REXO4: variants seen among roughly 807,000 people sequenced by gnomAD.
REXO4 encodes RNA exonuclease 4.
REXO4 carries 29 observed loss-of-function variants against 39.9 expected under a neutral mutation model. That is an observed-to-expected ratio of 0.73 (90% confidence interval 0.54 to 0.99). The LOEUF (loss-of-function observed/expected upper bound fraction) is 0.99. REXO4 is among the 50% of genes least tolerant of loss of function. REXO4 has a pLI of 0.00. For missense variants in REXO4, 524 were observed against 546.5 expected (o/e 0.96, Z 0.41); for synonymous variants, 184 against 206.2 (o/e 0.89, Z 0.92).
Position 133,412,464 on chromosome 9 carries a change from C to T in REXO4, c.745G>A (p.Glu249Lys), listed in dbSNP as rs199826687. Reference sequence around the variant, plus strand: ...CCCTTAGGGCCCACGCCCACCATCTCACAGTCCAAGGCTAAGGCTCTTGTC... The same window carrying T: ...CCCTTAGGGCCCACGCCCACCATCTTACAGTCCAAGGCTAAGGCTCTTGTC... ...GLTRALALDCEMVGVGPKGEE... is the reference protein window; with the variant it reads ...GLTRALALDCKMVGVGPKGEE... The change falls in exon 4 of 8, where the codon GAG (glutamate) becomes AAG (lysine). Residue 249 changes from glutamate (E) to lysine (K), a missense_variant. Coordinates refer to ENST00000371942, the MANE Select transcript of REXO4 (RefSeq NM_020385.4). The T allele has an allele frequency of 6.2e-6, 10 of 1,614,138 alleles. No homozygotes were observed. The East Asian group carries it at 2.2e-4, about 36-fold the overall frequency.
Position 133,407,864 on chromosome 9 carries a change from C to T in REXO4, c.1092G>A (p.Leu364=), listed in dbSNP as rs782123376. 1.9e-6 allele frequency: 3 copies of T among 1,613,846 alleles called. No individual in the cohort carries two copies. The highest frequency in any genetic ancestry group is 1.7e-5 in the Admixed American group (1 of 60,016). The stretch of plus-strand genomic sequence containing the variant: ...CAAGGATCTTCTCTGAAAGTAGTCT[C>T]AGAGACGGCCTTCCACTCTGCAAAG... The part of the protein sequence containing the change: ...KSQVKSGRPS[L]RLLSEKILGL... Residue 364 remains leucine, a synonymous_variant, in exon 7 of 8, where the codon CTG becomes CTA. Transcript: ENST00000371942.
intron 2 of REXO4, chr9:133,414,401 T>G: frequency 3.0e-6 from 2 of 663,520 alleles, no homozygotes; most frequent in Non-Finnish European, 5.5e-6. Flanking sequence ...TGGGTCTTTC[T>G]GGCTTCAGCA....
chr9:133,407,683 AG>A (rs1838976010), intron 7 of REXO4, 123 bp downstream of exon 7: 1 of 623,032 alleles, frequency 1.6e-6, no homozygotes, highest in Non-Finnish European at 2.7e-6. Flanking sequence ...TTTGACCAAT[AG>A]CCTCGTAGGA....
In REXO4 at chr9:133,406,313, C is replaced by T. The variant is rs113344491; in HGVS notation, c.*640G>A. The T allele has an allele frequency of 4.1e-3, 621 of 152,614 alleles. 3 individuals are homozygous for T. The highest frequency in any genetic ancestry group is 0.02 in the Admixed American group (307 of 15,348). 9.5% of individuals were successfully genotyped at this position (152,614 alleles called of 1,614,324 possible). ...ATGTCTGCCGACCTCCAGGAATAAC[C>T]GCAGTCACCGTGCCCAGGCAACACA... On this transcript the variant is annotated 3_prime_UTR_variant, in exon 8 of 8. Transcript: ENST00000371942.
chr9:133,408,966 G>A, intron 5 of REXO4, 124 bp from the exon 6 acceptor site: 2 of 528,714 alleles, frequency 3.8e-6, no homozygotes, highest in South Asian at 2.2e-5. Context: ...GTGTGTGTGT[G>A]TGTGTGTGTG....
At chr9:133,409,782 C>CT (rs1233769622) in intron 5 of REXO4, among the ~76,000 whole-genome samples, 4 of 152,182 alleles carry the variant, frequency 2.6e-5, no homozygotes, top group African/African-American at 4.8e-5. Context: ...AGGCTGGTCT[C>CT]TAACTCCCGG....
At chr9:133,412,977 G>A in intron 2 of REXO4, 56 bp from the exon 3 acceptor site, 4 of 1,572,948 alleles carry the variant, frequency 2.5e-6, no homozygotes, top group Non-Finnish European at 2.6e-6. Context: ...AACTGGTGGG[G>A]TGGGGCTGTG....
chr9:133,407,732 G>T, intron 7 of REXO4, 75 bp downstream of exon 7: 2 of 1,188,934 alleles, frequency 1.7e-6, no homozygotes, highest in Non-Finnish European at 2.5e-6. Flanking sequence ...CCATGTCTGT[G>T]TCAGGTGACT....
At chr9:133,411,654 C>T (rs1332602835) in intron 4 of REXO4, among the ~76,000 whole-genome samples, 1 of 152,110 alleles carries the variant, frequency 6.6e-6, no homozygotes, top group Non-Finnish European at 1.5e-5. Context: ...AGGCCAGGTG[C>T]AGTGGGTCAT....
Position 133,414,879 on chromosome 9 carries a change from G to C in REXO4, c.358C>G (p.Pro120Ala), listed in dbSNP as rs1564397718. 1 of 1,614,066 alleles carries C rather than the reference G, an allele frequency of 6.2e-7. No individual in the cohort carries two copies. Among genetic ancestry groups the C allele is most frequent in the Admixed American group, 1.7e-5 (1 of 60,006 alleles). The change falls in exon 2 of 8, where the codon CCG becomes GCG. Residue 120 changes from proline to alanine, a missense_variant. Transcript: ENST00000371942. Reference sequence around the variant, plus strand: ...CTGGCCTCCTGGTCTTTTCCTGCCGGCATCTCCTCTCCCTTCACTTGAGGC... The same window carrying C: ...CTGGCCTCCTGGTCTTTTCCTGCCGCCATCTCCTCTCCCTTCACTTGAGGC... The part of the protein sequence containing the change: ...TSPQVKGEEM[P>A]AGKDQEASRG...
At chr9:133,410,923 G>C in intron 5 of REXO4, 62 bp downstream of exon 5, 3 of 1,217,410 alleles carry the variant, frequency 2.5e-6, no homozygotes, top group Non-Finnish European at 3.7e-6. Context: ...AACACAGCAA[G>C]GGCGTGAGTG....
Position 133,411,164 on chromosome 9 carries a change from ACCTAAGACAAATGGTCAGG to A in REXO4, c.911-110_911-92del, listed in dbSNP as rs1236654758. On this transcript the variant is annotated intron_variant, in intron 4 of 7. Coordinates refer to ENST00000371942, the MANE Select transcript of REXO4 (RefSeq NM_020385.4). The stretch of plus-strand genomic sequence containing the variant: ...CAGCCCCGCTCCTACCCCTGGTCAG[ACCTAAGACAAATGGTCAGG>A]CCTGCAATGCCACTACGGAGGGTGA... 5 of 1,048,578 alleles carry A rather than the reference ACCTAAGACAAATGGTCAGG, an allele frequency of 4.8e-6. No individual in the cohort carries two copies. The African/African-American group carries it at 7.8e-5, about 16-fold the overall frequency. The allele number at this position is 1,048,578 out of a possible 1,614,324, so 65.0% of individuals were successfully genotyped here.
intron 6 of REXO4, 80 bp from the exon 7 acceptor site, chr9:133,407,961 G>A: frequency 8.7e-7 from 1 of 1,150,324 alleles, no homozygotes; most frequent in Non-Finnish European, 1.3e-6. Context: ...GGGAGCGGTT[G>A]GCTACTGAAC....
At chr9:133,411,457 C>T (rs1420467339) in intron 4 of REXO4, among the ~76,000 whole-genome samples, 1 of 152,174 alleles carries the variant, frequency 6.6e-6, no homozygotes, top group Non-Finnish European at 1.5e-5. Context: ...GAAATAAAAA[C>T]AAAACTGCCC....
At position 133,412,651 on chromosome 9, in the gene REXO4, T is replaced by C. The variant is rs1839283776; in HGVS notation, c.716+127A>G. 19 of 1,431,832 alleles carry C rather than the reference T, an allele frequency of 1.3e-5. No individual in the cohort carries two copies. The South Asian group carries it at 2.2e-4, about 17-fold the overall frequency. The allele number at this position is 1,431,832 out of a possible 1,614,324, so 88.7% of individuals were successfully genotyped here. On this transcript the variant is annotated intron_variant, in intron 3 of 7. Transcript: ENST00000371942. ...ACAAGCTCTGTGTGGTCCTGGTTCT[T>C]AGCAGGACCCTGGGAGGTGCTTGCC...
chr9:133,412,158 A>T, intron 4 of REXO4, 141 bp downstream of exon 4: 3 of 860,028 alleles, frequency 3.5e-6, no homozygotes, highest in Non-Finnish European at 5.5e-6. Context: ...TTTGTATTTT[A>T]AAACCCATCG....
rs1336986124 is a variant in REXO4, at chr9:133,415,067, G to C, written c.226-56C>G. On this transcript the variant is annotated intron_variant, in intron 1 of 7. Transcript: ENST00000371942. ...TTGAATTTGGAAATTACACACAGCA[G>C]ATTGAAAAAACTTACGTGTGTATGT... 6 of 1,474,360 alleles carry C rather than the reference G, an allele frequency of 4.1e-6. No homozygotes were observed. In the East Asian group the frequency reaches 9.0e-5, roughly 22 times the overall value. 91.3% of individuals were successfully genotyped at this position (1,474,360 alleles called of 1,614,324 possible).
chr9:133,415,543 C>T (rs2130739019), intron 1 of REXO4: 1 of 154,472 alleles, frequency 6.5e-6, no homozygotes, highest in Non-Finnish European at 1.4e-5. Context: ...AGCCACACAC[C>T]TTGGCTGTCA....
chr9:133,406,929 G>GGCA lies in REXO4; in HGVS notation c.*21_*23dup, dbSNP rs781890047. 1.6e-5 allele frequency: 25 copies of GGCA among 1,607,626 alleles called. No homozygotes were observed. The South Asian group carries it at 2.1e-4, about 13-fold the overall frequency. On this transcript the variant is annotated 3_prime_UTR_variant, in exon 8 of 8. Coordinates refer to ENST00000371942, the MANE Select transcript of REXO4 (RefSeq NM_020385.4). ...GGTCACATTGCCTCTGTAGCGGGGC[G>GGCA]GCAGCAGCAGCAGGGCAGGACTGCT...
Sources: gnomAD v4.1 joint callset for allele counts (sites outside exome capture counted in the v4.1 genomes callset) on GRCh38, gnomAD v4.1.1 for gene constraint, MANE v1.5 for transcripts, NCBI Gene and HGNC (gene_info 2026-07-23, HGNC 2026-07-21) for gene names.